CKS2: variants seen among roughly 807,000 people sequenced by gnomAD.
The protein encoded by CKS2 is cyclin-dependent kinases regulatory subunit 2.
Under a neutral mutation model 14.3 loss-of-function variants are expected in CKS2, and 4 were observed. The ratio of observed to expected loss-of-function variants is 0.28; its 90% CI spans 0.14 to 0.64. The LOEUF (loss-of-function observed/expected upper bound fraction) is 0.64. Ranked by LOEUF, CKS2 falls within the 30% of genes least tolerant of loss-of-function variation. The pLI is 0.83. For missense variants in CKS2, 71 were observed against 94.3 expected, an observed-to-expected ratio of 0.75 and a Z score of 1.02; for synonymous variants, 33 against 28.7, an observed-to-expected ratio of 1.15 and a Z score of -0.48.
intron 1 of CKS2, among the ~76,000 whole-genome samples, chr9:89,313,390 A>C (rs968649646): frequency 6.6e-6 from 1 of 152,180 alleles, no homozygotes; most frequent in Non-Finnish European, 1.5e-5. Flanking sequence ...GTCTGTTTTC[A>C]CAAGAGAAAA....
At chr9:89,315,533 TAA>T (rs3080706) in intron 2 of CKS2, among the ~76,000 whole-genome samples, 10,599 of 132,444 alleles carry the variant, frequency 0.08, 788 homozygotes, top group African/African-American at 0.19. Flanking sequence ...ATGTAAGAAG[TAA>T]AAAAAAAAAA....
At chr9:89,316,341 T>C in intron 2 of CKS2, 32 bp from the exon 3 acceptor site, 4 of 1,410,958 alleles carry the variant, frequency 2.8e-6, no homozygotes, top group South Asian at 1.2e-5. Flanking sequence ...GAAAATCATA[T>C]TAAAATGATT....
chr9:89,312,494 G>C (rs947139497), intron 1 of CKS2, among the ~76,000 whole-genome samples: 1 of 152,124 alleles, frequency 6.6e-6, no homozygotes, highest in Non-Finnish European at 1.5e-5. Context: ...TTGTAGGTTA[G>C]ATTTCTCCGA....
intron 1 of CKS2, among the ~76,000 whole-genome samples, chr9:89,313,362 C>T (rs558084957): frequency 6.6e-6 from 1 of 152,340 alleles, no homozygotes; most frequent in East Asian, 1.9e-4. Flanking sequence ...TGGGTGCCCC[C>T]ACCCCCACAT....
intron 2 of CKS2, 22 bp from the exon 3 acceptor site, chr9:89,316,351 T>C (rs936450184): frequency 6.7e-7 from 1 of 1,493,018 alleles, no homozygotes; most frequent in Non-Finnish European, 9.3e-7. Context: ...TTAAAATGAT[T>C]CAAAACATTT....
chr9:89,315,993 T>C (rs1469415703), intron 2 of CKS2, among the ~76,000 whole-genome samples: 4 of 152,200 alleles, frequency 2.6e-5, no homozygotes, highest in African/African-American at 9.6e-5. Flanking sequence ...TCGAAAACTC[T>C]AAAAGGACTC....
chr9:89,315,209 TAA>T lies in CKS2; in HGVS notation c.102_103del (p.Lys34AsnfsTer6). On this transcript the variant is annotated frameshift_variant, in exon 2 of 3. Transcript: ENST00000314355. LOFTEE classifies it high-confidence loss of function. ...CCAGAGAACTTTCCAAACAAGTACC[TAA>T]AACTCATCTGATGTCTGAAGAGGAG... ...LPRELSKQVPKTHLMSEEEWR... is the reference protein window; with the variant it reads ...LPRELSKQVPXTHLMSEEEWR... 1 of 1,611,504 alleles carries T rather than the reference TAA, an allele frequency of 6.2e-7. No individual in the cohort carries two copies. The highest frequency in any genetic ancestry group is 8.5e-7 in the Non-Finnish European group (1 of 1,178,824).
chr9:89,313,242 AT>A (rs1022171891), intron 1 of CKS2, among the ~76,000 whole-genome samples: 19 of 152,080 alleles, frequency 1.2e-4, no homozygotes, highest in African/African-American at 4.1e-4. Flanking sequence ...GCTAGTATTT[AT>A]TTTTCCCAGT....
At chr9:89,316,109 A>C (rs1824706936) in intron 2 of CKS2, among the ~76,000 whole-genome samples, 1 of 150,766 alleles carries the variant, frequency 6.6e-6, no homozygotes, top group South Asian at 2.1e-4. Context: ...CACCTATTGA[A>C]ACAGAATCTA....
rs926367637 is a variant in CKS2, at chr9:89,311,236, T to C, written c.-57T>C. 1 of 1,485,308 alleles carries C rather than the reference T, an allele frequency of 6.7e-7. No homozygotes were observed. The highest frequency in any genetic ancestry group is 1.2e-5 in the South Asian group (1 of 86,520). The allele number at this position is 1,485,308 out of a possible 1,614,324, so 92.0% of individuals were successfully genotyped here. On this transcript the variant is annotated 5_prime_UTR_variant, in exon 1 of 3. Coordinates refer to ENST00000314355, the MANE Select transcript of CKS2 (RefSeq NM_001827.3). ...TTGTTGCCTGGGCTGGACGTGGTTTTGTCTGCTGCGCCCGCTCTTCGCGCT... is the reference window on the plus strand; with the variant it reads ...TTGTTGCCTGGGCTGGACGTGGTTTCGTCTGCTGCGCCCGCTCTTCGCGCT...
chr9:89,313,054 A>G (rs1824648712), intron 1 of CKS2, among the ~76,000 whole-genome samples: 1 of 152,246 alleles, frequency 6.6e-6, no homozygotes, highest in Non-Finnish European at 1.5e-5. Flanking sequence ...ATGTATTTTA[A>G]TCCAATAAAA....
chr9:89,311,419 G>C, intron 1 of CKS2, 68 bp downstream of exon 1: 10 of 1,096,550 alleles, frequency 9.1e-6, no homozygotes, highest in Non-Finnish European at 1.3e-5. Flanking sequence ...GGCGACCCAG[G>C]CATAGTAGGG....
intron 1 of CKS2, among the ~76,000 whole-genome samples, chr9:89,314,889 A>C (rs1238696738): frequency 6.6e-6 from 1 of 152,200 alleles, no homozygotes; most frequent in Non-Finnish European, 1.5e-5. Flanking sequence ...GCTGGTAACC[A>C]TATGTTCAAC....
Position 89,316,479 on chromosome 9 carries a change from A to G in CKS2, c.*54A>G. 1 of 1,084,584 alleles carries G rather than the reference A, an allele frequency of 9.2e-7. No homozygotes were observed. The highest frequency in any genetic ancestry group is 1.4e-6 in the Non-Finnish European group (1 of 717,888). The allele number at this position is 1,084,584 out of a possible 1,614,324, so 67.2% of individuals were successfully genotyped here. A position where few individuals can be genotyped will look rare whatever the true frequency, so the allele number is the denominator to read the frequency against. ...TCAAATTTAATGTATATGTGTATAT[A>G]AGGTAGTATTCAGTGAATACTTGAG... On this transcript the variant is annotated 3_prime_UTR_variant, in exon 3 of 3. Coordinates refer to ENST00000314355, the MANE Select transcript of CKS2 (RefSeq NM_001827.3).
chr9:89,316,381 ATTC>A lies in CKS2; in HGVS notation c.201_203del (p.Leu68del). The A allele has an allele frequency of 1.3e-6, 2 of 1,587,278 alleles. No individual in the cohort carries two copies. The highest frequency in any genetic ancestry group is 2.2e-5 in the East Asian group (1 of 44,698). On this transcript the variant is annotated inframe_deletion, in exon 3 of 3. Transcript: ENST00000314355. ...ACATTTTCTTTCCACAGAACCACATATTCTTCTCTTTAGACGACCTCTTCCAAA... is the reference window on the plus strand; with the variant it reads ...ACATTTTCTTTCCACAGAACCACATATTCTCTTTAGACGACCTCTTCCAAA...
intron 1 of CKS2, among the ~76,000 whole-genome samples, chr9:89,313,593 AC>A (rs563050822): frequency 1.0e-3 from 158 of 152,330 alleles, no homozygotes; most frequent in Non-Finnish European, 2.0e-3. Flanking sequence ...TTATAAAGAA[AC>A]CCTGATGGAG....
At chr9:89,315,118 C>G in intron 1 of CKS2, 52 bp from the exon 2 acceptor site, 1 of 1,514,268 alleles carries the variant, frequency 6.6e-7, no homozygotes, top group Non-Finnish European at 8.9e-7. Context: ...ATGTATAAAG[C>G]GACAGTTGTA....
chr9:89,313,174 A>C (rs1480513147), intron 1 of CKS2, among the ~76,000 whole-genome samples: 1 of 152,272 alleles, frequency 6.6e-6, no homozygotes, highest in Non-Finnish European at 1.5e-5. Flanking sequence ...CTAAGGCATG[A>C]GTCTAGGGTG....
intron 2 of CKS2, among the ~76,000 whole-genome samples, 187 bp from the exon 3 acceptor site, chr9:89,316,186 T>C (rs1311468562): frequency 1.3e-5 from 2 of 152,136 alleles, no homozygotes; most frequent in African/African-American, 2.4e-5. Context: ...TATAAAGAGG[T>C]AATCTTTTTA....
Sources: allele counts gnomAD v4.1 joint callset (sites outside exome capture counted in the v4.1 genomes callset), GRCh38; gene constraint gnomAD v4.1.1; transcripts MANE v1.5; gene names NCBI Gene and HGNC (gene_info 2026-07-23, HGNC 2026-07-21).